The following FSHR variants were observed in gnomAD, a reference collection of about 807,000 sequenced individuals.
FSHR encodes follicle stimulating hormone receptor, also known as follicle-stimulating hormone receptor.
A neutral mutation model predicts 52.1 loss-of-function variants in FSHR; 46 were observed. The ratio of observed to expected loss-of-function variants is 0.88; its 90% CI spans 0.70 to 1.13. The LOEUF is 1.13. Among genes scored for constraint, FSHR ranks in the 50% most tolerant of loss-of-function variants. The pLI is 0.00. For synonymous variants in FSHR, 399 were observed against 309.6 expected (o/e 1.29, Z -3.03); for missense variants, 964 against 834.6 (o/e 1.16, Z -1.91).
chr2:49,024,190 G>C (rs1667838623), intron 2 of FSHR, among the ~76,000 whole-genome samples: 1 of 152,026 alleles, frequency 6.6e-6, no homozygotes, highest in Non-Finnish European at 1.5e-5. Context: ...TCGATGACAT[G>C]AATTGGAGAA....
At chr2:48,999,604 T>C (rs565704120) in intron 4 of FSHR, among the ~76,000 whole-genome samples, 1 of 152,262 alleles carries the variant, frequency 6.6e-6, no homozygotes, top group African/African-American at 2.4e-5. Context: ...ACCTCTAAGA[T>C]GCCTTCCAAC....
At chr2:49,027,501 C>A (rs1667946869) in intron 2 of FSHR, among the ~76,000 whole-genome samples, 1 of 152,002 alleles carries the variant, frequency 6.6e-6, no homozygotes, top group African/African-American at 2.4e-5. Context: ...TGCTTGGGAG[C>A]CATGCATAGG....
chr2:48,986,097 A>G (rs1675502505), intron 6 of FSHR, among the ~76,000 whole-genome samples: 1 of 152,200 alleles, frequency 6.6e-6, no homozygotes, highest in Admixed American at 6.5e-5. Flanking sequence ...TAATAACCAT[A>G]GTACCCAATA....
intron 1 of FSHR, among the ~76,000 whole-genome samples, chr2:49,098,231 A>T (rs1191196742): frequency 2.0e-5 from 3 of 152,206 alleles, no homozygotes; most frequent in African/African-American, 7.2e-5. Flanking sequence ...CTAAAATACA[A>T]AGAAAAACAA....
chr2:49,061,297 G>A (rs548278374), intron 2 of FSHR, among the ~76,000 whole-genome samples: 75 of 152,126 alleles, frequency 4.9e-4, no homozygotes, highest in African/African-American at 1.8e-3. Context: ...ATATGCTGCT[G>A]ATATGAAGCA....
chr2:49,103,133 C>T (rs535605269), intron 1 of FSHR, among the ~76,000 whole-genome samples: 3 of 152,252 alleles, frequency 2.0e-5, no homozygotes, highest in East Asian at 3.9e-4. Context: ...CTCCTCCCCT[C>T]CCCAAAACAA....
chr2:49,100,298 G>A (rs1670980496), intron 1 of FSHR, among the ~76,000 whole-genome samples: 1 of 152,160 alleles, frequency 6.6e-6, no homozygotes, highest in African/African-American at 2.4e-5. Context: ...AGTGTGAACT[G>A]GTACCAAAAA....
chr2:49,050,562 G>A (rs185405445), intron 2 of FSHR, among the ~76,000 whole-genome samples: 7 of 152,280 alleles, frequency 4.6e-5, no homozygotes, highest in Non-Finnish European at 8.8e-5. Context: ...AAGAAGCCTT[G>A]TGTAGCAGAA....
chr2:49,075,284 T>G (rs1669907881), intron 1 of FSHR, among the ~76,000 whole-genome samples: 1 of 152,066 alleles, frequency 6.6e-6, no homozygotes, highest in South Asian at 2.1e-4. Context: ...AACATCACTA[T>G]GCTCCCCATA....
At chr2:49,088,075 C>T (rs66905128) in intron 1 of FSHR, among the ~76,000 whole-genome samples, 3 of 151,966 alleles carry the variant, frequency 2.0e-5, no homozygotes, top group African/African-American at 7.2e-5. Context: ...AGATGAGGGC[C>T]CTGAGCTGAG....
chr2:49,092,370 T>C (rs948366492), intron 1 of FSHR, among the ~76,000 whole-genome samples: 2 of 152,164 alleles, frequency 1.3e-5, no homozygotes, highest in Non-Finnish European at 2.9e-5. Flanking sequence ...TATTTTTCTT[T>C]CTTGCCTTAT....
At chr2:49,121,960 T>A (rs1382367552) in intron 1 of FSHR, among the ~76,000 whole-genome samples, 36 of 152,198 alleles carry the variant, frequency 2.4e-4, no homozygotes, top group Admixed American at 2.4e-3. Flanking sequence ...TCCAAAGCAC[T>A]TCAATAAAAT....
At chr2:49,040,393 A>G (rs1668439575) in intron 2 of FSHR, among the ~76,000 whole-genome samples, 1 of 152,150 alleles carries the variant, frequency 6.6e-6, no homozygotes, top group African/African-American at 2.4e-5. Context: ...TCCAGAACTT[A>G]TCATCTTAAT....
At chr2:49,009,624 G>C (rs1250861642) in intron 4 of FSHR, among the ~76,000 whole-genome samples, 2 of 149,914 alleles carry the variant, frequency 1.3e-5, no homozygotes, top group Non-Finnish European at 3.0e-5. Flanking sequence ...GGGCAGTATG[G>C]CCATTTTCAC....
intron 1 of FSHR, among the ~76,000 whole-genome samples, chr2:49,136,864 G>GTC (rs1672507445): frequency 6.6e-6 from 1 of 152,046 alleles, no homozygotes; most frequent in African/African-American, 2.4e-5. Context: ...AACTTCCGCA[G>GTC]TCTGATAAAA....
chr2:49,102,180 A>G (rs927912985), intron 1 of FSHR, among the ~76,000 whole-genome samples: 1 of 152,140 alleles, frequency 6.6e-6, no homozygotes, highest in African/African-American at 2.4e-5. Context: ...ATTTCTGGCT[A>G]TTTGCCCAGA....
chr2:49,146,619 G>T (rs370432426), intron 1 of FSHR, among the ~76,000 whole-genome samples: 1 of 151,980 alleles, frequency 6.6e-6, no homozygotes, highest in African/African-American at 2.4e-5. Flanking sequence ...TCAGAGGAGC[G>T]CAAGGATTAC....
intron 1 of FSHR, among the ~76,000 whole-genome samples, chr2:49,069,152 C>T (rs1188146456): frequency 6.6e-6 from 1 of 152,136 alleles, no homozygotes; most frequent in Non-Finnish European, 1.5e-5. Flanking sequence ...CTTCAGTGCC[C>T]TACAAGAGCT....
chr2:49,079,757 A>C (rs1670097880), intron 1 of FSHR, among the ~76,000 whole-genome samples: 1 of 152,126 alleles, frequency 6.6e-6, no homozygotes, highest in African/African-American at 2.4e-5. Flanking sequence ...TAAAGATATA[A>C]ATAGGAAAAA....
Sources: gnomAD v4.1 joint callset for allele counts (sites outside exome capture counted in the v4.1 genomes callset) on GRCh38, gnomAD v4.1.1 for gene constraint, MANE v1.5 for transcripts, NCBI Gene and HGNC (gene_info 2026-07-23, HGNC 2026-07-21) for gene names.